Variants in TRAF2 observed in about 807,000 individuals in gnomAD.
The protein encoded by TRAF2 is TNF receptor associated factor 2.
Under a neutral mutation model 55.6 loss-of-function variants are expected in TRAF2, and 6 were observed. The ratio of observed to expected loss-of-function variants is 0.11; its 90% CI spans 0.06 to 0.21. The LOEUF is 0.21. Among genes scored for constraint, TRAF2 ranks in the 10% least tolerant of loss-of-function variants. TRAF2 has a pLI of 1.00. For missense variants in TRAF2, 561 were observed against 684.5 expected (o/e 0.82, Z 2.01); for synonymous variants, 329 against 276.3 (o/e 1.19, Z -1.89).
intron 6 of TRAF2, among the ~76,000 whole-genome samples, chr9:136,916,335 C>T (rs1850239826): frequency 6.6e-6 from 1 of 152,062 alleles, no homozygotes; most frequent in South Asian, 2.1e-4. Flanking sequence ...CAGTTACTGG[C>T]ACAGTGTGCA....
chr9:136,902,701 A>C (rs923331150), intron 4 of TRAF2, among the ~76,000 whole-genome samples: 1 of 151,904 alleles, frequency 6.6e-6, no homozygotes, highest in Non-Finnish European at 1.5e-5. Flanking sequence ...AAAACCTCTC[A>C]CTGGCTGTAA....
At chr9:136,894,465 A>AG (rs1232358630) in intron 1 of TRAF2, among the ~76,000 whole-genome samples, 2 of 152,136 alleles carry the variant, frequency 1.3e-5, no homozygotes, top group African/African-American at 4.8e-5. Flanking sequence ...TCCTGGGCGC[A>AG]GGCTTCTTAG....
At chr9:136,888,198 C>G (rs1046370011) in intron 1 of TRAF2, among the ~76,000 whole-genome samples, 2 of 152,156 alleles carry the variant, frequency 1.3e-5, no homozygotes, top group Non-Finnish European at 2.9e-5. Context: ...AAGTTAACTT[C>G]TAGTATTTGG....
At chr9:136,884,867 C>A (rs1248625905), upstream of TRAF2, among the ~76,000 whole-genome samples, 1 of 152,234 alleles carries the variant, frequency 6.6e-6, no homozygotes, top group East Asian at 1.9e-4. Context: ...AACCCTTTCT[C>A]ATCCCGAGCT....
rs571309500 is a variant in TRAF2 at position 136,909,268 on chromosome 9, C to T, written c.529-652C>T. On this transcript the variant is annotated intron_variant, in intron 5 of 10. Transcript: ENST00000247668. ...TGTCTGAGATGCAGCTGTGACTGCT[C>T]ACATGGCCTGCAGCCTGTGTCTGCG... Among the ~76,000 whole-genome samples the T allele has an allele frequency of 7.2e-5, 11 of 152,358 alleles. No homozygotes were observed. The East Asian group carries it at 2.1e-3, about 29-fold the overall frequency.
At chr9:136,922,452 A>T in intron 9 of TRAF2, 1 of 152,814 alleles carries the variant, frequency 6.5e-6, no homozygotes, top group South Asian at 2.0e-4. Flanking sequence ...AGCATTGTGG[A>T]GGCCCTGCCA....
rs1564415243 is a variant in TRAF2 at position 136,910,720 on chromosome 9, C to T, written c.603+726C>T. ...AGGGGTCAGGCTGGCCAGGCCTGCC[C>T]GCGGGCTCAGCCTGACAGGTGTGTG... On this transcript the variant is annotated intron_variant, in intron 6 of 10. Transcript: ENST00000247668. Among the ~76,000 whole-genome samples the T allele has an allele frequency of 2.6e-5, 4 of 152,206 alleles. No individual in the cohort carries two copies. In the South Asian group the frequency reaches 6.2e-4, roughly 24 times the overall value.
At chr9:136,913,682 C>G (rs1850175569) in intron 6 of TRAF2, among the ~76,000 whole-genome samples, 1 of 152,126 alleles carries the variant, frequency 6.6e-6, no homozygotes, top group African/African-American at 2.4e-5. Context: ...GCTTCAGGTT[C>G]TTTTAAAATG....
chr9:136,900,443 C>T lies in TRAF2; in HGVS notation c.289C>T (p.Arg97Cys), dbSNP rs758348510. 3 of 1,607,498 alleles carry T rather than the reference C, an allele frequency of 1.9e-6. No individual in the cohort carries two copies. The highest frequency in any genetic ancestry group is 2.2e-5 in the East Asian group (1 of 44,780). The change falls in exon 4 of 11, where the codon CGC becomes TGC. Residue 97 changes from arginine to cysteine, a missense_variant. Transcript: ENST00000247668. The stretch of plus-strand genomic sequence containing the variant: ...CCAGGCCTTCCCAGATAATGCTGCC[C>T]GCAGGGAGGTGGAGAGCCTGCCGGC... ...SSSAFPDNAARREVESLPAVC... is the reference protein window; with the variant it reads ...SSSAFPDNAACREVESLPAVC...
At chr9:136,898,122 C>G (rs1349693419) in intron 1 of TRAF2, among the ~76,000 whole-genome samples, 2 of 152,018 alleles carry the variant, frequency 1.3e-5, no homozygotes, top group African/African-American at 4.8e-5. Flanking sequence ...GGAGGGGAAC[C>G]CGTGGTAGCT....
At position 136,924,284 on chromosome 9, in the gene TRAF2, C is replaced by CG. The variant is rs569357037; in HGVS notation, c.1287+288dup. On this transcript the variant is annotated intron_variant, in intron 10 of 10. Transcript: ENST00000247668. Reference sequence around the variant, plus strand: ...AAGAAAAAGCACAAGGCCGAGTGGGCGGGGAGTATGTATCCCTGTGATCCC... The same window carrying CG: ...AAGAAAAAGCACAAGGCCGAGTGGGCGGGGGAGTATGTATCCCTGTGATCCC... Among the ~76,000 whole-genome samples the CG allele has an allele frequency of 1.8e-3, 271 of 152,100 alleles. 1 individual carries two copies. Among genetic ancestry groups the CG allele is most frequent in the Non-Finnish European group, 3.0e-3 (205 of 67,978 alleles).
chr9:136,891,486 T>C (rs1403345329), intron 1 of TRAF2, among the ~76,000 whole-genome samples: 1 of 150,634 alleles, frequency 6.6e-6, no homozygotes, highest in Non-Finnish European at 1.5e-5. Flanking sequence ...TCAAGCAATC[T>C]GCCTACCTCG....
At chr9:136,922,799 G>T (rs1410727921) in intron 9 of TRAF2, among the ~76,000 whole-genome samples, 2 of 141,310 alleles carry the variant, frequency 1.4e-5, no homozygotes, top group Non-Finnish European at 3.1e-5. Context: ...CTGGGGGCAT[G>T]TGGAGGACGA....
intron 5 of TRAF2, among the ~76,000 whole-genome samples, chr9:136,909,224 G>C (rs1291905547): frequency 2.0e-5 from 3 of 151,964 alleles, no homozygotes; most frequent in African/African-American, 4.8e-5. Flanking sequence ...TCCCCAAAGC[G>C]TTGGTGAGAA....
intron 4 of TRAF2, among the ~76,000 whole-genome samples, chr9:136,903,921 A>G (rs1849884277): frequency 1.3e-5 from 2 of 152,278 alleles, no homozygotes; most frequent in East Asian, 1.9e-4. Flanking sequence ...TGACCTCGTG[A>G]TCCGCCTGCC....
intron 1 of TRAF2, 24 bp downstream of exon 1, chr9:136,886,565 G>GCGGGGT: frequency 1.0e-6 from 1 of 983,226 alleles, no homozygotes; most frequent in South Asian, 4.5e-5. Flanking sequence ...GGGGTCGGGT[G>GCGGGGT]CGGGGTCGGG....
rs1019096282 is a variant in TRAF2, at chr9:136,925,848, G to C, written c.1453G>C (p.Val485Leu). The change falls in exon 11 of 11, where the codon GTG becomes CTG. Residue 485 changes from valine (V) to leucine (L), a missense_variant. Val to Leu is a conservative substitution (Grantham distance 32, BLOSUM62 1). This residue lies in a region of TRAF2 where 135 missense variants were observed against 207.7 expected (regional missense o/e 0.65). Transcript: ENST00000247668. ...CAAGATGGAGGCAAAGAATTCCTAC[G>C]TGCGGGACGATGCCATCTTCATCAA... ...VSKMEAKNSYVRDDAIFIKAI... is the reference protein window; with the variant it reads ...VSKMEAKNSYLRDDAIFIKAI... 7 of 1,614,074 alleles carry C rather than the reference G, an allele frequency of 4.3e-6. No individual in the cohort carries two copies. The highest frequency in any genetic ancestry group is 5.1e-6 in the Non-Finnish European group (6 of 1,180,042).
chr9:136,903,580 CTG>C (rs1478759136), intron 4 of TRAF2, among the ~76,000 whole-genome samples: 2 of 151,016 alleles, frequency 1.3e-5, no homozygotes, highest in Non-Finnish European at 2.9e-5. Flanking sequence ...GGGGAGAAGA[CTG>C]AGACAGATGG....
intron 10 of TRAF2, 144 bp from the exon 11 acceptor site, chr9:136,925,539 C>A: frequency 1.3e-6 from 1 of 788,652 alleles, no homozygotes; most frequent in Non-Finnish European, 2.0e-6. Context: ...GGCCGCCCAC[C>A]ACGTGGTCTC....
Sources: allele counts gnomAD v4.1 joint callset (sites outside exome capture counted in the v4.1 genomes callset), GRCh38; gene constraint gnomAD v4.1.1; regional missense constraint gnomAD v4.1.1; transcripts MANE v1.5; gene names NCBI Gene and HGNC (gene_info 2026-07-23, HGNC 2026-07-21).